NFIA: variants seen among roughly 807,000 people sequenced by gnomAD.
NFIA encodes the protein nuclear factor I A.
Under a neutral mutation model 62.8 loss-of-function variants are expected in NFIA, and 8 were observed. The observed-to-expected ratio is 0.13, with a 90% CI of 0.07 to 0.23. The LOEUF is 0.23. NFIA is among the 10% of genes least tolerant of loss of function. The pLI is 1.00. For missense variants in NFIA, 410 were observed against 642.1 expected, an observed-to-expected ratio of 0.64 and a Z score of 3.91; for synonymous variants, 235 against 238.1, an observed-to-expected ratio of 0.99 and a Z score of 0.12.
intron 7 of NFIA, among the ~76,000 whole-genome samples, chr1:61,389,933 T>G (rs1664884921): frequency 6.6e-6 from 1 of 152,190 alleles, no homozygotes; most frequent in African/African-American, 2.4e-5. Context: ...GGGGACCCAT[T>G]AATTTTTTTC....
intron 2 of NFIA, among the ~76,000 whole-genome samples, chr1:61,149,057 C>CTT (rs3067418): frequency 1.5e-5 from 2 of 136,086 alleles, no homozygotes; most frequent in African/African-American, 5.4e-5. Context: ...TTCTTTCTTT[C>CTT]TTTTTTTTTT....
chr1:61,310,689 T>G (rs1416099746), intron 3 of NFIA, among the ~76,000 whole-genome samples: 1 of 152,016 alleles, frequency 6.6e-6, no homozygotes. Flanking sequence ...ACGTGCCACT[T>G]GCCTTCTTTC....
At chr1:61,090,600 C>A (rs1646303325) in intron 2 of NFIA, among the ~76,000 whole-genome samples, 1 of 152,100 alleles carries the variant, frequency 6.6e-6, no homozygotes, top group Non-Finnish European at 1.5e-5. Context: ...TGTTGCAATG[C>A]CTGAAGGGGT....
intron 7 of NFIA, among the ~76,000 whole-genome samples, chr1:61,392,393 T>G (rs897103965): frequency 1.3e-5 from 2 of 151,908 alleles, no homozygotes; most frequent in Admixed American, 6.6e-5. Context: ...AACTGTACCT[T>G]TATTGTATTG....
chr1:61,248,264 G>C (rs774971855), intron 2 of NFIA, among the ~76,000 whole-genome samples: 1 of 152,200 alleles, frequency 6.6e-6, no homozygotes, highest in Non-Finnish European at 1.5e-5. Flanking sequence ...GTAATATCAT[G>C]AGTGCAGTTT....
intron 6 of NFIA, 94 bp downstream of exon 6, chr1:61,359,368 G>GC: frequency 6.4e-7 from 1 of 1,554,250 alleles, no homozygotes; most frequent in Non-Finnish European, 8.7e-7. Flanking sequence ...AAGAAAGAAA[G>GC]CTCAAGGTAG....
intron 2 of NFIA, among the ~76,000 whole-genome samples, chr1:61,256,436 A>G (rs1286857633): frequency 3.9e-4 from 8 of 20,362 alleles, no homozygotes; most frequent in South Asian, 1.1e-3. Flanking sequence ...ACTCCATCTA[A>G]AAAAAAAAAA....
chr1:61,378,530 G>A (rs183457224), intron 6 of NFIA, among the ~76,000 whole-genome samples: 87 of 150,672 alleles, frequency 5.8e-4, no homozygotes, highest in African/African-American at 2.0e-3. Flanking sequence ...CATTGCAGTC[G>A]TCTTATATTT....
At chr1:61,330,443 C>CCCCCACACACA (rs554691317) in intron 3 of NFIA, among the ~76,000 whole-genome samples, 2 of 90,620 alleles carry the variant, frequency 2.2e-5, no homozygotes, top group East Asian at 5.1e-4. Flanking sequence ...TACACCCCCC[C>CCCCCACACACA]CACACACACA....
At chr1:61,197,234 CTTTTTTTTTTT>C (rs1002158986) in intron 2 of NFIA, among the ~76,000 whole-genome samples, 7 of 93,388 alleles carry the variant, frequency 7.5e-5, no homozygotes, top group East Asian at 3.2e-4. Context: ...TACTCTGGTT[CTTTTTTTTTTT>C]TTTTTTTTTT....
intron 3 of NFIA, among the ~76,000 whole-genome samples, chr1:61,300,174 C>T (rs998358678): frequency 6.6e-6 from 1 of 152,090 alleles, no homozygotes; most frequent in African/African-American, 2.4e-5. Flanking sequence ...AGATACAATT[C>T]ATCTCTGGAT....
At chr1:61,226,024 A>C (rs1398492191) in intron 2 of NFIA, among the ~76,000 whole-genome samples, 1 of 152,242 alleles carries the variant, frequency 6.6e-6, no homozygotes, top group East Asian at 1.9e-4. Context: ...ATCAGTTGTG[A>C]ATACTTTTTA....
At chr1:61,333,045 A>ACG (rs1473048218) in intron 4 of NFIA, among the ~76,000 whole-genome samples, 4 of 141,222 alleles carry the variant, frequency 2.8e-5, no homozygotes, top group Non-Finnish European at 4.6e-5. Context: ...TCTAGCATGC[A>ACG]CGCACACACA....
chr1:61,447,137 T>A (rs905589834), intron 10 of NFIA, among the ~76,000 whole-genome samples: 5 of 151,742 alleles, frequency 3.3e-5, no homozygotes, highest in Non-Finnish European at 5.9e-5. Context: ...CAAAAAAATT[T>A]AAAAAAAAAT....
At chr1:61,429,510 C>T (rs1366775677) in intron 10 of NFIA, among the ~76,000 whole-genome samples, 1 of 152,204 alleles carries the variant, frequency 6.6e-6, no homozygotes, top group East Asian at 1.9e-4. Flanking sequence ...CTCAGGGATA[C>T]TACTGGTGGA....
intron 10 of NFIA, among the ~76,000 whole-genome samples, chr1:61,440,623 GT>G (rs959851196): frequency 2.4e-4 from 36 of 147,672 alleles, no homozygotes; most frequent in African/African-American, 6.2e-4. Flanking sequence ...TCTTTATTGT[GT>G]TTTTTTTTCT....
At chr1:61,424,005 A>G (rs1053476374) in intron 9 of NFIA, among the ~76,000 whole-genome samples, 1 of 151,696 alleles carries the variant, frequency 6.6e-6, no homozygotes, top group African/African-American at 2.4e-5. Context: ...GAATATATAT[A>G]TATATAAATG....
At chr1:61,170,490 G>T (rs535235326) in intron 2 of NFIA, among the ~76,000 whole-genome samples, 1 of 152,252 alleles carries the variant, frequency 6.6e-6, no homozygotes, top group East Asian at 1.9e-4. Context: ...GCCTTGGGAG[G>T]TGCTCACAGT....
At chr1:61,455,010 A>G (rs1404174224) in intron 10 of NFIA, among the ~76,000 whole-genome samples, 3 of 152,210 alleles carry the variant, frequency 2.0e-5, no homozygotes, top group Non-Finnish European at 2.9e-5. Context: ...AACTGCCCCC[A>G]TCAGTTAACA....
Sources: gnomAD v4.1 joint callset for allele counts (sites outside exome capture counted in the v4.1 genomes callset) on GRCh38, gnomAD v4.1.1 for gene constraint, MANE v1.5 for transcripts, NCBI Gene and HGNC (gene_info 2026-07-23, HGNC 2026-07-21) for gene names.